Variants in LCA5 observed in about 807,000 individuals in gnomAD.
The protein encoded by LCA5 is lebercilin LCA5.
LCA5 carries 37 observed loss-of-function variants against 53.0 expected under a neutral mutation model. The ratio of observed to expected loss-of-function variants is 0.70; its 90% CI spans 0.54 to 0.92. The LOEUF (loss-of-function observed/expected upper bound fraction) is 0.92, where lower values mean the gene tolerates loss of function less well. Among genes scored for constraint, LCA5 ranks in the 40% least tolerant of loss-of-function variants. The pLI is 0.00. For synonymous variants in LCA5, 303 were observed against 282.9 expected, an observed-to-expected ratio of 1.07 and a Z score of -0.71; for missense variants, 806 against 790.5, an observed-to-expected ratio of 1.02 and a Z score of -0.23.
At chr6:79,535,100 T>C (rs541824539) in intron 1 of LCA5, among the ~76,000 whole-genome samples, 2 of 152,330 alleles carry the variant, frequency 1.3e-5, no homozygotes, top group South Asian at 2.1e-4. Flanking sequence ...CTGTATTTTA[T>C]TGTGTGTCTA....
chr6:79,515,967 A>T (rs1427715932), intron 2 of LCA5, among the ~76,000 whole-genome samples: 1 of 152,060 alleles, frequency 6.6e-6, no homozygotes, highest in Non-Finnish European at 1.5e-5. Flanking sequence ...AAGCTTGACA[A>T]GTGGGTAGCC....
chr6:79,491,806 A>G (rs1189966229), intron 5 of LCA5, 76 bp from the exon 6 acceptor site: 8 of 1,246,154 alleles, frequency 6.4e-6, no homozygotes, highest in African/African-American at 1.5e-5. Flanking sequence ...TGGCATGTAT[A>G]TATATATATG....
chr6:79,525,349 C>A (rs939437831), intron 1 of LCA5: 14 of 152,196 alleles, frequency 9.2e-5, no homozygotes, highest in Admixed American at 3.3e-4. Context: ...CCAGCTGGAC[C>A]AATTCCTAGG....
intron 1 of LCA5, among the ~76,000 whole-genome samples, chr6:79,526,675 G>T (rs1766800700): frequency 6.6e-6 from 1 of 152,066 alleles, no homozygotes; most frequent in African/African-American, 2.4e-5. Context: ...AAATTAAATG[G>T]AATTATCCAC....
chr6:79,513,831 CTTTA>C, intron 2 of LCA5, 90 bp from the exon 3 acceptor site: 1 of 1,202,594 alleles, frequency 8.3e-7, no homozygotes, highest in Non-Finnish European at 1.2e-6. Context: ...CCGTAACATT[CTTTA>C]GTTATTTTTG....
intron 1 of LCA5, among the ~76,000 whole-genome samples, chr6:79,528,314 C>A (rs751495708): frequency 6.6e-6 from 1 of 152,110 alleles, no homozygotes; most frequent in Non-Finnish European, 1.5e-5. Context: ...GTTCAATAAG[C>A]CCATGGGAGA....
chr6:79,525,486 A>C (rs2127686803), intron 1 of LCA5, among the ~76,000 whole-genome samples: 1 of 152,298 alleles, frequency 6.6e-6, no homozygotes, highest in Non-Finnish European at 1.5e-5. Flanking sequence ...CCTAGGCAAA[A>C]AGTCTTGCCA....
chr6:79,511,553 T>A (rs1770410444), intron 3 of LCA5, among the ~76,000 whole-genome samples: 1 of 152,128 alleles, frequency 6.6e-6, no homozygotes, highest in South Asian at 2.1e-4. Flanking sequence ...ATTATGTTGG[T>A]AGTCACACGA....
At chr6:79,512,082 G>A (rs1382568528) in intron 3 of LCA5, among the ~76,000 whole-genome samples, 10 of 151,984 alleles carry the variant, frequency 6.6e-5, no homozygotes, top group East Asian at 1.9e-4. Flanking sequence ...TGTGCGCTTC[G>A]TAATTTTAAA....
chr6:79,497,153 T>C (rs1476535326), intron 3 of LCA5, among the ~76,000 whole-genome samples: 1 of 152,002 alleles, frequency 6.6e-6, no homozygotes, highest in Non-Finnish European at 1.5e-5. Flanking sequence ...TAATGAGAGA[T>C]GAAGTTGGAA....
chr6:79,504,657 A>G (rs974249273), intron 3 of LCA5, among the ~76,000 whole-genome samples: 2 of 152,178 alleles, frequency 1.3e-5, no homozygotes, highest in African/African-American at 4.8e-5. Context: ...AGAAACTTTT[A>G]GGCCAAACTT....
At chr6:79,533,687 T>C (rs925363624) in intron 1 of LCA5, among the ~76,000 whole-genome samples, 6 of 151,852 alleles carry the variant, frequency 4.0e-5, no homozygotes, top group African/African-American at 1.4e-4. Flanking sequence ...AAGTTTCTTT[T>C]ATCTCTGATT....
intron 3 of LCA5, among the ~76,000 whole-genome samples, chr6:79,501,739 A>G (rs1770145182): frequency 6.6e-6 from 1 of 150,630 alleles, no homozygotes; most frequent in Admixed American, 6.7e-5. Context: ...ATCTATAACT[A>G]TAACAGAATT....
chr6:79,491,801 T>A, intron 5 of LCA5, 71 bp from the exon 6 acceptor site: 1 of 1,319,726 alleles, frequency 7.6e-7, no homozygotes, highest in Non-Finnish European at 1.1e-6. Flanking sequence ...TCAGCTGGCA[T>A]GTATATATAT....
rs574289976 is a variant in LCA5 at position 79,504,766 on chromosome 6, G to A, written c.720+8446C>T. Among the ~76,000 whole-genome samples, 15 of 152,176 alleles carry A rather than the reference G, an allele frequency of 9.9e-5. No homozygotes were observed. The East Asian group carries it at 1.2e-3, about 12-fold the overall frequency. ...ATATATCTACACAATGGAATAATAC[G>A]CAGACTTTAAAAAGCATGAGACTGA... On this transcript the variant is annotated intron_variant, in intron 3 of 7. Transcript: ENST00000369846.
chr6:79,538,018 GTTTTTTTTT>G (rs869197362), upstream of LCA5, among the ~76,000 whole-genome samples: 387 of 44,118 alleles, frequency 8.8e-3, 4 homozygotes, highest in East Asian at 0.017. Flanking sequence ...TTGCACACAA[GTTTTTTTTT>G]TTTTTTTTTT....
At chr6:79,538,018 GTTTTTTTT>G (rs869197362), upstream of LCA5, among the ~76,000 whole-genome samples, 1,640 of 43,964 alleles carry the variant, frequency 0.037, 23 homozygotes, top group Middle Eastern at 0.1. Context: ...TTGCACACAA[GTTTTTTTT>G]TTTTTTTTTT....
chr6:79,494,055 A>C (rs1207239109), intron 3 of LCA5, among the ~76,000 whole-genome samples: 1 of 152,156 alleles, frequency 6.6e-6, no homozygotes, highest in Admixed American at 6.5e-5. Flanking sequence ...TCTTGAGACC[A>C]GCCTAGACAA....
intron 1 of LCA5, among the ~76,000 whole-genome samples, chr6:79,532,927 A>AT (rs1440827175): frequency 1.3e-5 from 2 of 152,162 alleles, no homozygotes; most frequent in Admixed American, 1.3e-4. Flanking sequence ...ATTAAGTTCC[A>AT]TTTTATAAAA....
Sources: gnomAD v4.1 joint callset for allele counts (sites outside exome capture counted in the v4.1 genomes callset) on GRCh38, gnomAD v4.1.1 for gene constraint, MANE v1.5 for transcripts, NCBI Gene and HGNC (gene_info 2026-07-23, HGNC 2026-07-21) for gene names.